Variants in CREBBP observed in about 807,000 individuals in gnomAD.
The protein encoded by CREBBP is CREB-binding protein.
In CREBBP, 19 loss-of-function variants were observed where a neutral mutation model predicts 265.0. The observed-to-expected ratio is 0.07, with a 90% CI of 0.05 to 0.11. The LOEUF (loss-of-function observed/expected upper bound fraction) is 0.11, where lower values mean the gene tolerates loss of function less well. Ranked by LOEUF, CREBBP falls within the 10% of genes least tolerant of loss-of-function variation. CREBBP has a pLI of 1.00. For missense variants in CREBBP, 2,525 were observed against 3,219.0 expected (o/e 0.78, Z 5.22); for synonymous variants, 1,457 against 1,223.7 (o/e 1.19, Z -3.98).
Position 3,732,034 on chromosome 16 carries a change from C to T in CREBBP, c.4729-97G>A. On this transcript the variant is annotated intron_variant, in intron 28 of 30. Transcript: ENST00000262367. ...GGCCGTGGGCATCAGGAAGCTCAGG[C>T]CAAAGTAGGTCACCACCAGGCAGAC... 1.9e-6 allele frequency: 3 copies of T among 1,606,990 alleles called. No homozygotes were observed. The South Asian group carries it at 3.3e-5, about 18-fold the overall frequency.
At chr16:3,849,440 T>TGTGTGTGTGTGTGTGTGTGTGTGTGTG (rs2054762563) in intron 2 of CREBBP, among the ~76,000 whole-genome samples, 3 of 14,890 alleles carry the variant, frequency 2.0e-4, no homozygotes, top group African/African-American at 3.1e-4. Context: ...TGTGTGTGTG[T>TGTGTGTGTGTGTGTGTGTGTGTGTGTG]GTGTGTGTGT....
At position 3,726,738 on chromosome 16, in the gene CREBBP, G is replaced by GA. The variant is rs2051756649; in HGVS notation, c.*979dup. ...ACATGCATAGTCCAAATACAATGTT[G>GA]AAAACAGCATTTTCATAACAAAAAA... On this transcript the variant is annotated 3_prime_UTR_variant, in exon 31 of 31. Coordinates refer to ENST00000262367, the MANE Select transcript of CREBBP (RefSeq NM_004380.3). The GA allele has an allele frequency of 4.3e-6, 1 of 233,528 alleles. No individual in the cohort carries two copies. The highest frequency in any genetic ancestry group is 5.6e-5 in the Admixed American group (1 of 17,794). 14.5% of individuals were successfully genotyped at this position (233,528 alleles called of 1,614,324 possible).
At chr16:3,800,194 C>T (rs1477003914) in intron 3 of CREBBP, among the ~76,000 whole-genome samples, 2 of 152,184 alleles carry the variant, frequency 1.3e-5, no homozygotes, top group Admixed American at 1.3e-4. Context: ...TCATGGCTCA[C>T]ACAGTCTCAC....
chr16:3,790,222 T>A (rs937348678), intron 5 of CREBBP, among the ~76,000 whole-genome samples: 6 of 152,288 alleles, frequency 3.9e-5, no homozygotes, highest in African/African-American at 1.4e-4. Context: ...CTGTATTCCA[T>A]TAGAACTACT....
rs2054817634 is a variant in CREBBP at position 3,850,795 on chromosome 16, A to G, written c.300T>C (p.Gly100=). 6.2e-7 allele frequency: 1 copy of G among 1,613,944 alleles called. No individual in the cohort carries two copies. The highest frequency in any genetic ancestry group is 8.5e-7 in the Non-Finnish European group (1 of 1,180,028). Residue 100 remains glycine, a synonymous_variant, in exon 2 of 31, where the codon GGT becomes GGC. Transcript: ENST00000262367. ...SASSPVQQGL[G]GQAQGQPNSA... ...TGTTCGGCTGCCCTTGAGCCTGGCC[A>G]CCCAGGCCCTGCTGCACGGGGCTGC...
chr16:3,729,837 C>T lies in CREBBP; in HGVS notation c.5210G>A (p.Ser1737Asn), dbSNP rs761564898. 2 of 1,604,048 alleles carry T rather than the reference C, an allele frequency of 1.2e-6. No individual in the cohort carries two copies. The highest frequency in any genetic ancestry group is 4.5e-5 in the East Asian group (2 of 44,878). ...CCACTTCACCATCTTATGGGCATGG[C>T]TCTTCGTGTTATAGCAGTTGATGCA... is the stretch of plus-strand genomic sequence containing the variant. ...DLCINCYNTKSHAHKMVKWGL... is the reference protein window; with the variant it reads ...DLCINCYNTKNHAHKMVKWGL... The change falls in exon 31 of 31, where the codon AGC becomes AAC. Residue 1737 changes from serine (S) to asparagine (N), a missense_variant. Ser to Asn is a conservative substitution (Grantham distance 46). Around this residue, in one of 19 missense-constraint regions of CREBBP, gnomAD observed 62 missense variants for 156.2 expected, o/e 0.40. Transcript: ENST00000262367.
At chr16:3,821,146 A>G (rs988179527) in intron 2 of CREBBP, among the ~76,000 whole-genome samples, 1 of 152,228 alleles carries the variant, frequency 6.6e-6, no homozygotes, top group African/African-American at 2.4e-5. Flanking sequence ...ATAAAATAGG[A>G]AGCATTTAGA....
chr16:3,822,717 C>G (rs767488729), intron 2 of CREBBP, among the ~76,000 whole-genome samples: 2 of 152,200 alleles, frequency 1.3e-5, no homozygotes, highest in Non-Finnish European at 1.5e-5. Flanking sequence ...ATATTGTTAT[C>G]AAAAATATGT....
chr16:3,835,844 T>G (rs142331911), intron 2 of CREBBP, among the ~76,000 whole-genome samples: 1 of 151,862 alleles, frequency 6.6e-6, no homozygotes, highest in Non-Finnish European at 1.5e-5. Flanking sequence ...CCTCCCAAAG[T>G]GCTGGGATTA....
At chr16:3,780,081 A>C (rs991885073) in intron 8 of CREBBP, among the ~76,000 whole-genome samples, 1 of 151,960 alleles carries the variant, frequency 6.6e-6, no homozygotes, top group Admixed American at 6.5e-5. Flanking sequence ...GTCTCTACCA[A>C]AAACACAAAA....
At chr16:3,850,037 T>G (rs1242466525) in intron 2 of CREBBP, among the ~76,000 whole-genome samples, 1 of 152,146 alleles carries the variant, frequency 6.6e-6, no homozygotes, top group Non-Finnish European at 1.5e-5. Flanking sequence ...TCTACCAGGT[T>G]CACGGACACA....
At chr16:3,754,712 C>A (rs532751039) in intron 19 of CREBBP, among the ~76,000 whole-genome samples, 1 of 152,284 alleles carries the variant, frequency 6.6e-6, no homozygotes, top group African/African-American at 2.4e-5. Flanking sequence ...GTTTTTCCAA[C>A]ATGAGTTACT....
chr16:3,763,756 G>A (rs1156272530), intron 16 of CREBBP, among the ~76,000 whole-genome samples: 2 of 151,956 alleles, frequency 1.3e-5, no homozygotes, highest in Non-Finnish European at 2.9e-5. Flanking sequence ...GAGCCACTGC[G>A]CCCGGCCTGA....
intron 6 of CREBBP, among the ~76,000 whole-genome samples, chr16:3,782,097 G>A (rs1362472998): frequency 2.0e-5 from 3 of 152,198 alleles, no homozygotes; most frequent in African/African-American, 7.2e-5. Context: ...TCCACTTAAA[G>A]AAAAATATTA....
chr16:3,762,455 C>T (rs1163360901), intron 16 of CREBBP, among the ~76,000 whole-genome samples: 3 of 143,548 alleles, frequency 2.1e-5, no homozygotes, highest in Admixed American at 7.3e-5. Flanking sequence ...GCTGGGATTA[C>T]AGGCGTGAGC....
chr16:3,853,367 T>A (rs1216062137), intron 1 of CREBBP, among the ~76,000 whole-genome samples: 2 of 152,152 alleles, frequency 1.3e-5, no homozygotes, highest in Admixed American at 1.3e-4. Flanking sequence ...TCCCAGCACT[T>A]TGGGAGGCCA....
chr16:3,874,408 G>GAA (rs888666734), intron 1 of CREBBP, among the ~76,000 whole-genome samples: 1 of 152,192 alleles, frequency 6.6e-6, no homozygotes, highest in Admixed American at 6.5e-5. Flanking sequence ...CTCAGAGAAT[G>GAA]AAGTCCCACG....
At chr16:3,787,195 C>T (rs1238160417) in intron 5 of CREBBP, among the ~76,000 whole-genome samples, 1 of 152,186 alleles carries the variant, frequency 6.6e-6, no homozygotes, top group Non-Finnish European at 1.5e-5. Flanking sequence ...CCTTCCTATG[C>T]ACTGCGTGGG....
rs35866243 is a variant in CREBBP at position 3,814,164 on chromosome 16, A to AGTGTGTGT, written c.799-3393_799-3386dup. On this transcript the variant is annotated intron_variant, in intron 2 of 30. Transcript: ENST00000262367. Reference sequence around the variant, plus strand: ...CTTTTCTAACTGGTCAATGTTGTTTAGTGTGTGTGTGTGTGTGTGTGTGTG... The same window carrying AGTGTGTGT: ...CTTTTCTAACTGGTCAATGTTGTTTAGTGTGTGTGTGTGTGTGTGTGTGTGTGTGTGTG... 8.3e-3 allele frequency among the ~76,000 whole-genome samples: 1,000 copies of AGTGTGTGT among 119,762 alleles called. 15 individuals are homozygous for AGTGTGTGT. The highest frequency in any genetic ancestry group is 0.045 in the East Asian group (199 of 4,446). The allele number at this position is 119,762 out of a possible 152,430, so 78.6% of individuals were successfully genotyped here. A position where few individuals can be genotyped will look rare whatever the true frequency, so the allele number is the denominator to read the frequency against.
Sources: allele counts gnomAD v4.1 joint callset (sites outside exome capture counted in the v4.1 genomes callset), GRCh38; gene constraint gnomAD v4.1.1; regional missense constraint gnomAD v4.1.1; transcripts MANE v1.5; gene names NCBI Gene and HGNC (gene_info 2026-07-23, HGNC 2026-07-21).